The following GPM6B variants were observed in gnomAD, a reference collection of about 807,000 sequenced individuals.
The protein encoded by GPM6B is neuronal membrane glycoprotein M6-b.
Under a neutral mutation model 27.2 loss-of-function variants are expected in GPM6B, and 4 were observed. The ratio of observed to expected loss-of-function variants is 0.15; its 90% CI spans 0.07 to 0.34. The LOEUF is 0.34. GPM6B is among the 10% of genes least tolerant of loss of function. The pLI, the probability that GPM6B is intolerant of heterozygous loss-of-function variation, is 1.00. For synonymous variants in GPM6B, 124 were observed against 103.1 expected (o/e 1.20, Z -1.23); for missense variants, 183 against 261.9 (o/e 0.70, Z 2.08).
chrX:13,932,504 T>C (rs1921624951), intron 1 of GPM6B, among the ~76,000 whole-genome samples: 1 of 112,378 alleles, frequency 8.9e-6, no homozygotes, highest in Admixed American at 9.4e-5. Flanking sequence ...GTTTATTTTT[T>C]GCTTCAAGAC....
In GPM6B at chrX:13,855,590, A is replaced by AT. The variant is rs769347860; in HGVS notation, c.-197-69783dup. On this transcript the variant is annotated intron_variant, in intron 1 of 6. Coordinates refer to the GPM6B transcript ENST00000398361. ...CTACAACGAAGAGTTCAGCATTTTC[A>AT]TTTTCTAAATGCTAGCAAAAAATTT... is the stretch of plus-strand genomic sequence containing the variant. Among the ~76,000 whole-genome samples, 3 of 111,958 alleles carry AT rather than the reference A, an allele frequency of 2.7e-5. No individual in the cohort carries two copies. The South Asian group carries it at 1.1e-3, about 42-fold the overall frequency.
intron 1 of GPM6B, among the ~76,000 whole-genome samples, chrX:13,870,649 C>T (rs1260972171): frequency 8.9e-6 from 1 of 112,459 alleles, no homozygotes; most frequent in Non-Finnish European, 1.9e-5. Flanking sequence ...AATCTGAGTC[C>T]AGGGAGGTCC....
At chrX:13,933,587 C>T (rs1261408696) in intron 1 of GPM6B, among the ~76,000 whole-genome samples, 1 of 112,456 alleles carries the variant, frequency 8.9e-6, no homozygotes, top group Non-Finnish European at 1.9e-5. Context: ...TTCGATATTA[C>T]ATAAACTAAT....
intron 5 of GPM6B, among the ~76,000 whole-genome samples, chrX:13,779,305 T>TGTTC (rs1186728636): frequency 2.7e-5 from 3 of 112,357 alleles, no homozygotes; most frequent in Non-Finnish European, 1.9e-5. Flanking sequence ...TTATAGAGTA[T>TGTTC]GTTCTGATGA....
At chrX:13,853,590 C>CAAAAAAAA (rs66531403) in intron 1 of GPM6B, among the ~76,000 whole-genome samples, 13 of 38,522 alleles carry the variant, frequency 3.4e-4, no homozygotes, top group Admixed American at 4.3e-4. Flanking sequence ...GACACCACCT[C>CAAAAAAAA]AAAAAAAAAA....
chrX:13,821,356 A>T (rs1048677778), upstream of GPM6B, among the ~76,000 whole-genome samples: 4 of 111,929 alleles, frequency 3.6e-5, no homozygotes, highest in African/African-American at 1.3e-4. Context: ...TACATTAATG[A>T]TCTTCCCAGA....
At chrX:13,815,088 T>C (rs997307728) in intron 1 of GPM6B, among the ~76,000 whole-genome samples, 2 of 111,990 alleles carry the variant, frequency 1.8e-5, no homozygotes, top group South Asian at 7.4e-4. Context: ...CATAAAATAA[T>C]AGCAGTCCAT....
intron 1 of GPM6B, among the ~76,000 whole-genome samples, chrX:13,919,779 A>G (rs1340652659): frequency 9.0e-6 from 1 of 111,532 alleles, no homozygotes; most frequent in Non-Finnish European, 1.9e-5. Flanking sequence ...ACGCCTGCAG[A>G]AAAGAGAACA....
chrX:13,853,945 G>A (rs2049751194), intron 1 of GPM6B, among the ~76,000 whole-genome samples: 1 of 112,152 alleles, frequency 8.9e-6, no homozygotes, highest in Non-Finnish European at 1.9e-5. Context: ...CCAAGTTCCC[G>A]ATGCCAGCCA....
chrX:13,811,552 A>C (rs1224537231), intron 1 of GPM6B, among the ~76,000 whole-genome samples: 3 of 112,325 alleles, frequency 2.7e-5, no homozygotes, highest in Non-Finnish European at 1.9e-5. Context: ...ATCTGTTTTT[A>C]TTTATAAGGT....
chrX:13,822,363 A>ATT (rs58011078), intron 1 of GPM6B, among the ~76,000 whole-genome samples: 5 of 102,249 alleles, frequency 4.9e-5, no homozygotes, highest in South Asian at 4.3e-4. Context: ...AGTGACTCCT[A>ATT]TTTTTTTTTT....
chrX:13,868,160 A>C (rs2049938779), intron 1 of GPM6B, among the ~76,000 whole-genome samples: 1 of 102,031 alleles, frequency 9.8e-6, no homozygotes, highest in Non-Finnish European at 2.0e-5. Context: ...ATTTTCCAGA[A>C]AGTCAAAAGT....
intron 1 of GPM6B, among the ~76,000 whole-genome samples, chrX:13,827,271 C>CTTTTTTTT (rs1173680918): frequency 2.4e-4 from 18 of 73,641 alleles, no homozygotes; most frequent in South Asian, 6.5e-4. Flanking sequence ...TACCGACTTC[C>CTTTTTTTT]TTTTTTTTTT....
chrX:13,773,440 A>T (rs966288681), intron 7 of GPM6B: 1 of 115,733 alleles, frequency 8.6e-6, no homozygotes, highest in African/African-American at 3.3e-5. Context: ...GATAAAAATC[A>T]ATTCCCCCAA....
At chrX:13,925,569 G>A (rs1309300903) in intron 1 of GPM6B, among the ~76,000 whole-genome samples, 5 of 99,352 alleles carry the variant, frequency 5.0e-5, no homozygotes, top group Non-Finnish European at 1.0e-4. Flanking sequence ...CTCCTGCCTT[G>A]GCCTCCCAAA....
chrX:13,917,447 T>G (rs1051323646), intron 1 of GPM6B, among the ~76,000 whole-genome samples: 4 of 111,905 alleles, frequency 3.6e-5, no homozygotes, highest in African/African-American at 1.3e-4. Context: ...TGAACACAGG[T>G]TTTTACAGCA....
chrX:13,790,101 G>A (rs770944496), intron 2 of GPM6B, among the ~76,000 whole-genome samples: 8 of 111,764 alleles, frequency 7.2e-5, no homozygotes, highest in Non-Finnish European at 1.5e-4. Context: ...TGATCCTCCC[G>A]CCTCGGCCTC....
At chrX:13,932,292 AC>A (rs1381360013) in intron 1 of GPM6B, among the ~76,000 whole-genome samples, 1 of 111,503 alleles carries the variant, frequency 9.0e-6, no homozygotes, top group African/African-American at 3.3e-5. Flanking sequence ...ACACCTGGAC[AC>A]CCTGACCCCT....
intron 1 of GPM6B, among the ~76,000 whole-genome samples, chrX:13,809,952 GAAA>G (rs113730315): frequency 0.023 from 1,848 of 80,166 alleles, 61 homozygotes; most frequent in African/African-American, 0.085. Flanking sequence ...TCCATCTCAG[GAAA>G]AAAAAAAAAA....
Sources: allele counts gnomAD v4.1 joint callset (sites outside exome capture counted in the v4.1 genomes callset), GRCh38; gene constraint gnomAD v4.1.1; transcripts MANE v1.5; gene names NCBI Gene and HGNC (gene_info 2026-07-23, HGNC 2026-07-21).